Variants in ACVR1 observed in about 807,000 individuals in gnomAD.
ACVR1 encodes the protein activin A receptor type 1, also known as activin receptor type-1.
ACVR1 carries 38 observed loss-of-function variants against 57.1 expected under a neutral mutation model. The observed-to-expected ratio is 0.67, with a 90% CI of 0.51 to 0.87. ACVR1 has a LOEUF of 0.87. Ranked by LOEUF, ACVR1 falls within the 40% of genes least tolerant of loss-of-function variation. ACVR1 has a pLI of 0.00. For synonymous variants in ACVR1, 212 were observed against 228.1 expected (o/e 0.93, Z 0.63); for missense variants, 463 against 638.2 (o/e 0.73, Z 2.96).
chr2:157,855,306 GTGTATA>G (rs1157959118), intron 1 of ACVR1, among the ~76,000 whole-genome samples: 34 of 53,148 alleles, frequency 6.4e-4, no homozygotes, highest in Admixed American at 1.7e-3. Flanking sequence ...GTGTGTGTGT[GTGTATA>G]TATATATATA....
At chr2:157,844,040 A>G (rs1574139485) in intron 1 of ACVR1, among the ~76,000 whole-genome samples, 1 of 152,240 alleles carries the variant, frequency 6.6e-6, no homozygotes, top group Admixed American at 6.5e-5. Flanking sequence ...CTCACTGGTA[A>G]GCTTCAAAGA....
chr2:157,875,332 G>C (rs1690247790), intron 1 of ACVR1, among the ~76,000 whole-genome samples: 1 of 152,176 alleles, frequency 6.6e-6, no homozygotes, highest in African/African-American at 2.4e-5. Context: ...CTCTCCAGCA[G>C]AAAATTCCTC....
At chr2:157,842,777 C>T (rs1036263817) in intron 1 of ACVR1, among the ~76,000 whole-genome samples, 2 of 152,134 alleles carry the variant, frequency 1.3e-5, no homozygotes, top group East Asian at 3.8e-4. Context: ...ATCTGCTACA[C>T]AGAGGAATTT....
At chr2:157,827,695 C>A (rs1435100986) in intron 1 of ACVR1, among the ~76,000 whole-genome samples, 2 of 152,108 alleles carry the variant, frequency 1.3e-5, no homozygotes, top group East Asian at 3.9e-4. Context: ...CTGGGTCTAC[C>A]GCTGACTTGG....
chr2:157,763,083 C>T (rs1390855857), intron 8 of ACVR1, among the ~76,000 whole-genome samples: 3 of 152,164 alleles, frequency 2.0e-5, no homozygotes, highest in African/African-American at 4.8e-5. Context: ...GATGACAAAA[C>T]AACCGGATGC....
chr2:157,784,896 A>C (rs1686659704), intron 3 of ACVR1, among the ~76,000 whole-genome samples: 1 of 152,250 alleles, frequency 6.6e-6, no homozygotes, highest in South Asian at 2.1e-4. Context: ...AACTGTCCAC[A>C]ATTTGGTATA....
At chr2:157,811,412 T>C (rs949924399) in intron 2 of ACVR1, among the ~76,000 whole-genome samples, 13 of 152,202 alleles carry the variant, frequency 8.5e-5, no homozygotes, top group Admixed American at 1.3e-4. Flanking sequence ...CCCCATATGT[T>C]CTTTTCTTTT....
intron 1 of ACVR1, among the ~76,000 whole-genome samples, chr2:157,858,667 G>A (rs1368710537): frequency 1.3e-5 from 2 of 152,016 alleles, no homozygotes; most frequent in Admixed American, 6.5e-5. Context: ...TATTTTTGTC[G>A]AGACGGGGTT....
chr2:157,814,224 T>C (rs1350302187), intron 2 of ACVR1, among the ~76,000 whole-genome samples: 2 of 152,124 alleles, frequency 1.3e-5, no homozygotes, highest in African/African-American at 2.4e-5. Context: ...AAAATATAAA[T>C]AGCACATATC....
intron 3 of ACVR1, among the ~76,000 whole-genome samples, chr2:157,784,159 CAT>C (rs1686627136): frequency 6.6e-6 from 1 of 152,106 alleles, no homozygotes; most frequent in Non-Finnish European, 1.5e-5. Flanking sequence ...ATAAGCATAA[CAT>C]GTGTGGGCCT....
chr2:157,808,268 T>C (rs572599293), intron 2 of ACVR1, among the ~76,000 whole-genome samples: 3 of 152,324 alleles, frequency 2.0e-5, no homozygotes, highest in East Asian at 1.9e-4. Context: ...TACATACTCA[T>C]GCTTGGCACC....
chr2:157,868,848 T>C (rs1480030778), intron 1 of ACVR1, among the ~76,000 whole-genome samples: 1 of 152,134 alleles, frequency 6.6e-6, no homozygotes. Flanking sequence ...ACTTGATAAA[T>C]GCTCAATAAA....
At chr2:157,857,027 C>T (rs905043268) in intron 1 of ACVR1, among the ~76,000 whole-genome samples, 1 of 151,966 alleles carries the variant, frequency 6.6e-6, no homozygotes, top group Non-Finnish European at 1.5e-5. Context: ...GGTGAAATCC[C>T]GCTTCTATAA....
chr2:157,817,776 G>A (rs1047255848), intron 2 of ACVR1, among the ~76,000 whole-genome samples: 1 of 152,084 alleles, frequency 6.6e-6, no homozygotes, highest in Non-Finnish European at 1.5e-5. Context: ...CAAGGCAGGT[G>A]GATCACAAGG....
intron 1 of ACVR1, among the ~76,000 whole-genome samples, chr2:157,867,455 T>G (rs1262288637): frequency 6.6e-6 from 1 of 152,066 alleles, no homozygotes; most frequent in Non-Finnish European, 1.5e-5. Flanking sequence ...AAACAGCAAC[T>G]AACACCGAGC....
chr2:157,834,525 G>T (rs1688708465), intron 1 of ACVR1, among the ~76,000 whole-genome samples: 1 of 152,098 alleles, frequency 6.6e-6, no homozygotes, highest in Admixed American at 6.5e-5. Flanking sequence ...CAACTGTGGG[G>T]TTTATTGTAT....
At chr2:157,830,798 C>T (rs1261630736) in intron 1 of ACVR1, among the ~76,000 whole-genome samples, 1 of 151,622 alleles carries the variant, frequency 6.6e-6, no homozygotes, top group East Asian at 1.9e-4. Context: ...CACTTGGACT[C>T]ATGCCCCCAT....
intron 3 of ACVR1, among the ~76,000 whole-genome samples, chr2:157,796,003 T>G (rs1045057270): frequency 6.6e-6 from 1 of 151,962 alleles, no homozygotes; most frequent in East Asian, 1.9e-4. Flanking sequence ...GTGGGCGGAC[T>G]GCTTGAGCCC....
At chr2:157,791,598 G>A (rs141062379) in intron 3 of ACVR1, among the ~76,000 whole-genome samples, 32 of 152,178 alleles carry the variant, frequency 2.1e-4, no homozygotes, top group East Asian at 1.5e-3. Context: ...GGTGGGTACC[G>A]TTATTGTTTC....
Sources: allele counts gnomAD v4.1 joint callset (sites outside exome capture counted in the v4.1 genomes callset), GRCh38; gene constraint gnomAD v4.1.1; transcripts MANE v1.5; gene names NCBI Gene and HGNC (gene_info 2026-07-23, HGNC 2026-07-21).